The following USP36 variants were observed in gnomAD, a reference collection of about 807,000 sequenced individuals.
The protein encoded by USP36 is ubiquitin specific peptidase 36, also known as ubiquitin carboxyl-terminal hydrolase 36.
A neutral mutation model predicts 111.5 loss-of-function variants in USP36; 59 were observed. The ratio of observed to expected loss-of-function variants is 0.53; its 90% CI spans 0.43 to 0.66. The LOEUF (loss-of-function observed/expected upper bound fraction) is 0.66, where lower values mean the gene tolerates loss of function less well. USP36 is among the 30% of genes least tolerant of loss of function. The probability of loss-of-function intolerance (pLI) is 0.00; values close to 1 mark genes in which losing one functional copy is unlikely to be tolerated. For synonymous variants in USP36, 628 were observed against 581.0 expected, an observed-to-expected ratio of 1.08 and a Z score of -1.16; for missense variants, 1,488 against 1,468.0, an observed-to-expected ratio of 1.01 and a Z score of -0.22.
intron 13 of USP36, among the ~76,000 whole-genome samples, chr17:78,810,231 TCCC>T (rs1019270086): frequency 9.2e-5 from 14 of 151,960 alleles, no homozygotes; most frequent in Non-Finnish European, 2.1e-4. Flanking sequence ...CAAGTGATCC[TCCC>T]CCAACAGCTT....
chr17:78,798,509 A>T lies in USP36; in HGVS notation c.3283T>A (p.Phe1095Ile). The T allele has an allele frequency of 6.2e-7, 1 of 1,613,872 alleles. No individual in the cohort carries two copies. Among genetic ancestry groups the T allele is most frequent in the East Asian group, 2.2e-5 (1 of 44,850 alleles). Reference protein sequence around the residue: ...KKFKREKRRNFNAFQKLQTRR... With the variant: ...KKFKREKRRNINAFQKLQTRR... Reference sequence around the variant, plus strand: ...GTCTGAAGTTTCTGGAAGGCGTTGAAGTTTCTCCTCTTCTCTCTCTTAAAT... The same window carrying T: ...GTCTGAAGTTTCTGGAAGGCGTTGATGTTTCTCCTCTTCTCTCTCTTAAAT... The change falls in exon 20 of 21, where the codon TTC becomes ATC. Residue 1095 changes from phenylalanine (F) to isoleucine (I), a missense_variant. Phe to Ile is a conservative substitution (Grantham distance 21). Around this residue, in one of 3 missense-constraint regions of USP36, gnomAD observed 1,073 missense variants for 994.1 expected, o/e 1.08. Transcript: ENST00000449938. This position sits in a 1 kb window ranked among gnomAD's most constrained non-coding sequence, Gnocchi z 5.1.
rs751504294 is a variant in USP36 at position 78,803,521 on chromosome 17, T to C, written c.2674A>G (p.Thr892Ala). The change falls in exon 16 of 21, where the codon ACA becomes GCA. Residue 892 changes from threonine (T) to alanine (A), a missense_variant. Thr to Ala is a moderately conservative substitution (Grantham distance 58). Transcript: ENST00000449938. The surrounding 1 kb of genome is among the most constrained non-coding windows in gnomAD (Gnocchi z 4.6). ...TGCTGGCCATTCACCTGTGGCTGTG[T>C]GCCATCTTCCTGCCGTCTGACAGCG... Reference protein sequence around the residue: ...LPAVRRQEDGTQPQVNGQQVG... With the variant: ...LPAVRRQEDGAQPQVNGQQVG... 1.2e-6 allele frequency: 2 copies of C among 1,613,800 alleles called. No individual in the cohort carries two copies. The highest frequency in any genetic ancestry group is 2.7e-5 in the African/African-American group (2 of 74,936).
At chr17:78,807,673 C>T (rs777875546) in intron 13 of USP36, 37 bp from the exon 14 acceptor site, 17 of 1,505,668 alleles carry the variant, frequency 1.1e-5, no homozygotes, top group African/African-American at 2.8e-5. Context: ...ACTGAGGAAG[C>T]GAGAAGTCTC....
chr17:78,825,699 G>T (rs183392115), intron 6 of USP36, among the ~76,000 whole-genome samples: 1 of 152,256 alleles, frequency 6.6e-6, no homozygotes, highest in African/African-American at 2.4e-5. Flanking sequence ...CTGGTTAATT[G>T]GACTGACTGA....
chr17:78,799,609 C>G, intron 18 of USP36, 58 bp downstream of exon 18: 1 of 1,515,470 alleles, frequency 6.6e-7, no homozygotes, highest in Non-Finnish European at 9.1e-7. Flanking sequence ...CCACACCCTT[C>G]CCTCCTACAA....
rs1350396821 is a variant in USP36, at chr17:78,796,170, G to A, written c.*1730C>T. 3 of 152,166 alleles carry A rather than the reference G, an allele frequency of 2.0e-5. No homozygotes were observed. Among genetic ancestry groups the A allele is most frequent in the Non-Finnish European group, 2.9e-5 (2 of 68,048 alleles). 9.4% of individuals were successfully genotyped at this position (152,166 alleles called of 1,614,324 possible). A position where few individuals can be genotyped will look rare whatever the true frequency, so the allele number is the denominator to read the frequency against. Reference sequence around the variant, plus strand: ...GAGAAGGGAAGAGACTGATTTGGAGGAGAGAAGGGAGAGAAAGGAACGAGA... The same window carrying A: ...GAGAAGGGAAGAGACTGATTTGGAGAAGAGAAGGGAGAGAAAGGAACGAGA... On this transcript the variant is annotated 3_prime_UTR_variant, in exon 21 of 21. Coordinates refer to ENST00000449938, the MANE Select transcript of USP36 (RefSeq NM_001385174.1).
chr17:78,821,585 G>A (rs1257235528), intron 7 of USP36, among the ~76,000 whole-genome samples: 3 of 151,146 alleles, frequency 2.0e-5, no homozygotes, highest in African/African-American at 4.9e-5. Flanking sequence ...GTGCCACCGC[G>A]CCTGGCTGAT....
chr17:78,790,438 G>C (rs898469179), intron 3 of USP36, among the ~76,000 whole-genome samples: 3 of 152,090 alleles, frequency 2.0e-5, no homozygotes, highest in Non-Finnish European at 4.4e-5. Flanking sequence ...CTACAGGCGT[G>C]TGCCACGAGG....
At chr17:78,809,591 A>G (rs2093999133) in intron 13 of USP36, among the ~76,000 whole-genome samples, 1 of 151,854 alleles carries the variant, frequency 6.6e-6, no homozygotes, top group Admixed American at 6.6e-5. Context: ...CTCGGGCATC[A>G]CTCTGCCCAT....
intron 10 of USP36, among the ~76,000 whole-genome samples, chr17:78,817,750 A>G (rs1201532162): frequency 6.6e-6 from 1 of 151,804 alleles, no homozygotes; most frequent in East Asian, 1.9e-4. Flanking sequence ...AAAAAAAAAA[A>G]AGAGAAAAAA....
intron 9 of USP36, 150 bp downstream of exon 9, chr17:78,819,780 A>C (rs762044682): frequency 1.4e-6 from 1 of 729,776 alleles, no homozygotes; most frequent in Non-Finnish European, 2.3e-6. Context: ...GTTATTTAGA[A>C]GTTTGAGTTT....
chr17:78,806,279 G>A lies in USP36; in HGVS notation c.2093C>T (p.Thr698Ile). The A allele has an allele frequency of 6.2e-7, 1 of 1,613,890 alleles. No homozygotes were observed. ...GTCATTGCCGGTCGCCCTCCACAGG[G>A]TGCTGGCCTGCAGTTATCGACATAA... ...KLALSAKKASTLWRATGNDLR... is the reference protein window; with the variant it reads ...KLALSAKKASILWRATGNDLR... Residue 698 changes from threonine to isoleucine, a missense_variant, in exon 15 of 21, where the codon ACC becomes ATC. Thr to Ile is a moderately conservative substitution (Grantham distance 89). Transcript: ENST00000449938.
rs1354636075 is a variant in USP36 at position 78,821,570 on chromosome 17, G to T, written c.757+367C>A. The stretch of plus-strand genomic sequence containing the variant: ...AGCCTCCCAAGTAGCTGGGATTGCA[G>T]GCATGTGCCACCGCGCCTGGCTGAT... On this transcript the variant is annotated intron_variant, in intron 7 of 20. Coordinates refer to ENST00000449938, the MANE Select transcript of USP36 (RefSeq NM_001385174.1). 2.0e-5 allele frequency among the ~76,000 whole-genome samples: 3 copies of T among 151,328 alleles called. No individual in the cohort carries two copies. The East Asian group carries it at 5.8e-4, about 29-fold the overall frequency.
chr17:78,827,477 A>T (rs2067669619), intron 5 of USP36, 130 bp from the exon 6 acceptor site: 1 of 796,580 alleles, frequency 1.3e-6, no homozygotes, highest in Admixed American at 2.8e-5. Flanking sequence ...GGAACAAGTG[A>T]GGAAAACAAG....
At chr17:78,812,509 G>GA (rs2094086242) in intron 13 of USP36, among the ~76,000 whole-genome samples, 1 of 151,886 alleles carries the variant, frequency 6.6e-6, no homozygotes, top group Non-Finnish European at 1.5e-5. Flanking sequence ...CTAACACGGT[G>GA]AAACCCCGTC....
downstream of USP36, among the ~76,000 whole-genome samples, chr17:78,792,675 C>A (rs1349475055): frequency 6.6e-6 from 1 of 152,138 alleles, no homozygotes; most frequent in South Asian, 2.1e-4. Context: ...AGGATGGCAA[C>A]TCTCAACTCT....
chr17:78,802,575 T>C (rs775015140), intron 16 of USP36, 40 bp from the exon 17 acceptor site: 15 of 1,569,280 alleles, frequency 9.6e-6, no homozygotes, highest in Admixed American at 1.8e-5. Context: ...TCTGAGCAAA[T>C]TGGAAGGGGA....
At chr17:78,840,894 G>T (rs145684733), upstream of USP36, 59 of 152,448 alleles carry the variant, frequency 3.9e-4, no homozygotes, top group Non-Finnish European at 7.2e-4. Context: ...CGCTAACTCC[G>T]AAAGGGTTGG....
intron 17 of USP36, among the ~76,000 whole-genome samples, chr17:78,801,696 A>G (rs996389415): frequency 6.6e-6 from 1 of 152,198 alleles, no homozygotes; most frequent in African/African-American, 2.4e-5. Context: ...GCCCAGCTAC[A>G]TAGAGGGAGA....
Sources: gnomAD v4.1 joint callset for allele counts (sites outside exome capture counted in the v4.1 genomes callset) on GRCh38, gnomAD v4.1.1 for gene constraint, gnomAD v4.1.1 regional missense constraint, Gnocchi (gnomAD v3.1) non-coding constraint, MANE v1.5 for transcripts, NCBI Gene and HGNC (gene_info 2026-07-23, HGNC 2026-07-21) for gene names.